The following ADAM22 variants were observed in gnomAD, a reference collection of about 807,000 sequenced individuals.
The protein encoded by ADAM22 is ADAM metallopeptidase domain 22.
In ADAM22, 65 loss-of-function variants were observed where a neutral mutation model predicts 144.6. That is an observed-to-expected ratio of 0.45 (90% CI 0.37 to 0.55). The LOEUF is 0.55. Among genes scored for constraint, ADAM22 ranks in the 20% least tolerant of loss-of-function variants. The probability of loss-of-function intolerance (pLI) is 0.00; values close to 1 mark genes in which losing one functional copy is unlikely to be tolerated. For synonymous variants in ADAM22, 391 were observed against 412.6 expected, an observed-to-expected ratio of 0.95 and a Z score of 0.63; for missense variants, 974 against 1,184.9, an observed-to-expected ratio of 0.82 and a Z score of 2.61.
chr7:88,011,929 C>T (rs1430720687), intron 3 of ADAM22, among the ~76,000 whole-genome samples: 2 of 151,914 alleles, frequency 1.3e-5, no homozygotes, highest in Non-Finnish European at 2.9e-5. Context: ...TCAAATATTT[C>T]TTCTTTGTTT....
rs114573308 is a variant in ADAM22 at position 88,010,724 on chromosome 7, G to A, written c.323+32312G>A. ...TAGAACATTGTGATTGGCATGTGGT[G>A]GGTTGGAATAGAAGAGCAGGTCCCC... On this transcript the variant is annotated intron_variant, in intron 3 of 31. Coordinates refer to ENST00000413139, the MANE Select transcript of ADAM22 (RefSeq NM_001324418.2). Among the ~76,000 whole-genome samples the A allele has an allele frequency of 4.4e-3, 671 of 152,180 alleles. 2 individuals carry two copies. Among genetic ancestry groups the A allele is most frequent in the African/African-American group, 0.015 (634 of 41,504 alleles).
intron 15 of ADAM22, among the ~76,000 whole-genome samples, chr7:88,143,788 C>T (rs1369151889): frequency 6.6e-6 from 1 of 152,180 alleles, no homozygotes; most frequent in East Asian, 1.9e-4. Context: ...GCACCATTGC[C>T]TTTGTAATCA....
chr7:88,036,294 C>T (rs1801508725), intron 3 of ADAM22, among the ~76,000 whole-genome samples: 1 of 151,886 alleles, frequency 6.6e-6, no homozygotes, highest in African/African-American at 2.4e-5. Flanking sequence ...GGTTTATTGC[C>T]CCTCCCAAAG....
intron 4 of ADAM22, among the ~76,000 whole-genome samples, chr7:88,090,758 G>A (rs1039647453): frequency 1.1e-4 from 16 of 152,074 alleles, no homozygotes; most frequent in African/African-American, 3.4e-4. Flanking sequence ...AGAAATTATT[G>A]AATTGAATTT....
Position 88,163,180 on chromosome 7 carries a change from A to C in ADAM22, c.2076A>C (p.Gly692=), listed in dbSNP as rs1188571844. Residue 692 remains glycine (G), a splice_region_variant and synonymous_variant, in exon 23 of 32, where the codon GGA becomes GGC. Transcript: ENST00000413139. ...SKEGTICSGN[G]VCSNELKCVC... The stretch of plus-strand genomic sequence containing the variant: ...AAGGCACTATTTGCTCAGGAAATGG[A>C]GTAAGTATCCAGTACCTTGTCAGAA... The C allele has an allele frequency of 6.2e-7, 1 of 1,603,774 alleles. No homozygotes were observed. The highest frequency in any genetic ancestry group is 1.3e-5 in the African/African-American group (1 of 74,292).
chr7:88,046,738 T>C (rs1804784559), intron 3 of ADAM22, among the ~76,000 whole-genome samples: 1 of 152,228 alleles, frequency 6.6e-6, no homozygotes, highest in Admixed American at 6.5e-5. Context: ...GAGTGTTTTT[T>C]ATATATGTCA....
rs567545137 is a variant in ADAM22, at chr7:87,944,310, C to G, written c.246+9124C>G. ...AATTTGCTGGTACACACAATTTGGT[C>G]ATTGCTCAAGCTTTTTTCTCTGTGT... On this transcript the variant is annotated intron_variant, in intron 2 of 31. Transcript: ENST00000413139. Among the ~76,000 whole-genome samples, 14 of 151,804 alleles carry G rather than the reference C, an allele frequency of 9.2e-5. 1 individual carries two copies. The South Asian group carries it at 2.9e-3, about 32-fold the overall frequency.
At chr7:88,018,939 A>T (rs977595599) in intron 3 of ADAM22, among the ~76,000 whole-genome samples, 8 of 152,224 alleles carry the variant, frequency 5.3e-5, no homozygotes, top group African/African-American at 1.9e-4. Context: ...TGCTTTTCAT[A>T]GATAGCTTAT....
chr7:88,070,922 A>G (rs1416992659), intron 3 of ADAM22, among the ~76,000 whole-genome samples: 2 of 152,300 alleles, frequency 1.3e-5, no homozygotes, highest in East Asian at 3.9e-4. Flanking sequence ...AGAGAGATTT[A>G]GAAGGATCTT....
chr7:87,952,285 A>G (rs1396889624), intron 2 of ADAM22, among the ~76,000 whole-genome samples: 19 of 151,562 alleles, frequency 1.3e-4, no homozygotes, highest in Admixed American at 9.9e-4. Context: ...GGTTTGTCAT[A>G]GATAGCTCTT....
intron 3 of ADAM22, among the ~76,000 whole-genome samples, chr7:88,022,386 T>C (rs1036948421): frequency 2.6e-5 from 4 of 152,204 alleles, no homozygotes; most frequent in African/African-American, 9.6e-5. Context: ...GGTGGACTAA[T>C]ATGTGCTAAA....
At chr7:88,059,463 A>G (rs1007225819) in intron 3 of ADAM22, among the ~76,000 whole-genome samples, 3 of 152,248 alleles carry the variant, frequency 2.0e-5, no homozygotes, top group Non-Finnish European at 4.4e-5. Flanking sequence ...TTGAGAGTTC[A>G]ATTCCAAACT....
chr7:88,015,753 T>C (rs1375648478), intron 3 of ADAM22, among the ~76,000 whole-genome samples: 1 of 152,226 alleles, frequency 6.6e-6, no homozygotes, highest in Admixed American at 6.5e-5. Flanking sequence ...TATTCTCATA[T>C]ATTGTTCTTT....
chr7:87,993,102 A>T (rs899093549), intron 3 of ADAM22, among the ~76,000 whole-genome samples: 1 of 152,172 alleles, frequency 6.6e-6, no homozygotes, highest in African/African-American at 2.4e-5. Flanking sequence ...TATTGGAGAG[A>T]TAGCTAGAGG....
intron 13 of ADAM22, 145 bp downstream of exon 13, chr7:88,134,564 G>C (rs1012649035): frequency 1.8e-6 from 1 of 564,252 alleles, no homozygotes; most frequent in African/African-American, 2.0e-5. Context: ...ACAAACTGTT[G>C]TTTTCCAAAG....
chr7:88,064,675 G>C (rs1387591615), intron 3 of ADAM22, among the ~76,000 whole-genome samples: 1 of 152,068 alleles, frequency 6.6e-6, no homozygotes, highest in African/African-American at 2.4e-5. Flanking sequence ...CAGGATAGAA[G>C]GGCAAAGGGG....
At chr7:87,942,762 G>A (rs910709083) in intron 2 of ADAM22, among the ~76,000 whole-genome samples, 6 of 152,066 alleles carry the variant, frequency 3.9e-5, no homozygotes, top group South Asian at 2.1e-4. Flanking sequence ...TGTTACACTC[G>A]TTCATCGTAA....
In ADAM22 at chr7:88,196,595, C is replaced by A; in HGVS notation, c.*104C>A. ...AAATCTATCTGCTCTTCAGACAATA[C>A]GAAGACCCTCTGAGATGCTACAGAG... On this transcript the variant is annotated 3_prime_UTR_variant, in exon 32 of 32. Transcript: ENST00000413139. 7.9e-7 allele frequency: 1 copy of A among 1,272,744 alleles called. No homozygotes were observed. Among genetic ancestry groups the A allele is most frequent in the Non-Finnish European group, 1.1e-6 (1 of 876,578 alleles). The allele number at this position is 1,272,744 out of a possible 1,614,324, so 78.8% of individuals were successfully genotyped here. A position where few individuals can be genotyped will look rare whatever the true frequency, so the allele number is the denominator to read the frequency against.
chr7:88,123,630 T>G (rs1261587130), intron 7 of ADAM22, among the ~76,000 whole-genome samples: 1 of 151,924 alleles, frequency 6.6e-6, no homozygotes, highest in African/African-American at 2.4e-5. Flanking sequence ...GAGTCTCACT[T>G]TTTTCTATTT....
Sources: allele counts gnomAD v4.1 joint callset (sites outside exome capture counted in the v4.1 genomes callset), GRCh38; gene constraint gnomAD v4.1.1; transcripts MANE v1.5; gene names NCBI Gene and HGNC (gene_info 2026-07-23, HGNC 2026-07-21).